Variants in DTNB observed in about 807,000 individuals in gnomAD.
DTNB encodes DTN-B.
Under a neutral mutation model 90.7 loss-of-function variants are expected in DTNB, and 63 were observed. The observed-to-expected ratio is 0.69, with a 90% CI of 0.57 to 0.86. The LOEUF (loss-of-function observed/expected upper bound fraction) is 0.86, where lower values mean the gene tolerates loss of function less well. DTNB is among the 40% of genes least tolerant of loss of function. The probability of loss-of-function intolerance (pLI) is 0.00; values close to 1 mark genes in which losing one functional copy is unlikely to be tolerated. For synonymous variants in DTNB, 277 were observed against 286.7 expected, an observed-to-expected ratio of 0.97 and a Z score of 0.34; for missense variants, 744 against 807.1, an observed-to-expected ratio of 0.92 and a Z score of 0.95.
At chr2:25,506,469 G>A (rs1353489448) in intron 9 of DTNB, among the ~76,000 whole-genome samples, 1 of 151,884 alleles carries the variant, frequency 6.6e-6, no homozygotes, top group Admixed American at 6.6e-5. Context: ...CATCACCCAG[G>A]TATTAAGCTT....
chr2:25,659,923 A>G (rs1458479218), intron 1 of DTNB, among the ~76,000 whole-genome samples: 2 of 152,350 alleles, frequency 1.3e-5, no homozygotes, highest in East Asian at 3.9e-4. Context: ...ACCAATGTTC[A>G]TGAACATTGT....
intron 8 of DTNB, among the ~76,000 whole-genome samples, chr2:25,552,612 G>A (rs1379311345): frequency 6.6e-6 from 1 of 152,072 alleles, no homozygotes; most frequent in Non-Finnish European, 1.5e-5. Flanking sequence ...TTTGCAAACA[G>A]ATCTCATCTA....
At chr2:25,662,075 G>A (rs989129576) in intron 1 of DTNB, among the ~76,000 whole-genome samples, 14 of 151,868 alleles carry the variant, frequency 9.2e-5, no homozygotes, top group African/African-American at 3.4e-4. Context: ...AGAACTGCTT[G>A]AACCCAGGAG....
At chr2:25,531,373 T>C (rs2078141436) in intron 9 of DTNB, 100 bp downstream of exon 9, 1 of 1,488,918 alleles carries the variant, frequency 6.7e-7, no homozygotes, top group Non-Finnish European at 8.9e-7. Flanking sequence ...ACCTGAGAAG[T>C]TGAATGGTCA....
chr2:25,555,311 A>G (rs1398005645), intron 8 of DTNB, among the ~76,000 whole-genome samples: 2 of 142,228 alleles, frequency 1.4e-5, no homozygotes, highest in African/African-American at 5.9e-5. Flanking sequence ...AAAAAAAAAC[A>G]AAAAGGTCTG....
At chr2:25,462,954 C>T (rs566617488) in intron 10 of DTNB, among the ~76,000 whole-genome samples, 2 of 152,190 alleles carry the variant, frequency 1.3e-5, no homozygotes, top group Admixed American at 6.5e-5. Flanking sequence ...CCACCCGCCT[C>T]GGCCTCCCAA....
intron 9 of DTNB, 138 bp from the exon 10 acceptor site, chr2:25,483,011 A>G (rs928340749): frequency 1.3e-6 from 1 of 790,314 alleles, no homozygotes; most frequent in Non-Finnish European, 1.8e-6. Flanking sequence ...GAGGGGGGGG[A>G]CCCATGGGGA....
At chr2:25,427,070 C>T (rs978034973) in intron 15 of DTNB, among the ~76,000 whole-genome samples, 6 of 151,864 alleles carry the variant, frequency 4.0e-5, no homozygotes, top group African/African-American at 9.7e-5. Flanking sequence ...CCCAGCTACT[C>T]GGGAGGCTGA....
chr2:25,517,621 G>A (rs996323381), intron 9 of DTNB, among the ~76,000 whole-genome samples: 9 of 152,090 alleles, frequency 5.9e-5, no homozygotes, highest in Admixed American at 4.6e-4. Flanking sequence ...ACAATATGAG[G>A]GTTCCTCGAA....
At chr2:25,610,199 C>T (rs1367022863) in intron 4 of DTNB, among the ~76,000 whole-genome samples, 3 of 152,186 alleles carry the variant, frequency 2.0e-5, no homozygotes, top group Non-Finnish European at 4.4e-5. Flanking sequence ...CAGCCTCAAC[C>T]TCCTGGGCTC....
chr2:25,624,028 G>C (rs1033415890), intron 4 of DTNB, among the ~76,000 whole-genome samples: 1 of 152,110 alleles, frequency 6.6e-6, no homozygotes. Flanking sequence ...CCTTAAGTCT[G>C]AGAAGAAACA....
chr2:25,388,245 C>A lies in DTNB; in HGVS notation c.1692G>T (p.Ser564=), dbSNP rs371653178. ...GSTPTHCPQD[S]LSGVGGDVQE... ...GCACGTCTCCCCCGACTCCGCTCAGCGAGTCCTGCGGACAGTGGGTGGGGG... is the reference window on the plus strand; with the variant it reads ...GCACGTCTCCCCCGACTCCGCTCAGAGAGTCCTGCGGACAGTGGGTGGGGG... Residue 564 remains serine, a synonymous_variant, in exon 17 of 21, where the codon TCG becomes TCT. Coordinates refer to ENST00000406818, the MANE Select transcript of DTNB (RefSeq NM_021907.5). 5 of 1,604,174 alleles carry A rather than the reference C, an allele frequency of 3.1e-6. No homozygotes were observed. The South Asian group carries it at 5.6e-5, about 18-fold the overall frequency.
At chr2:25,546,470 CCT>C (rs1427609240) in intron 8 of DTNB, among the ~76,000 whole-genome samples, 18 of 152,102 alleles carry the variant, frequency 1.2e-4, no homozygotes, top group Non-Finnish European at 2.2e-4. Context: ...TTTTCTAGCC[CCT>C]CTTTGTTTTA....
chr2:25,653,511 CTTTCTTT>C lies in DTNB; in HGVS notation c.-1-857_-1-851del, dbSNP rs1206006155. On this transcript the variant is annotated intron_variant, in intron 1 of 20. Transcript: ENST00000406818. ...TCTTTCTTTCTTTCTTTCTTTCTTT[CTTTCTTT>C]TTTTTTTTTTTTTTTGACAGTCTCA... 1.3e-4 allele frequency among the ~76,000 whole-genome samples: 11 copies of C among 82,812 alleles called. No homozygotes were observed. In the East Asian group the frequency reaches 4.8e-3, roughly 36 times the overall value. The allele number at this position is 82,812 out of a possible 152,430, so 54.3% of individuals were successfully genotyped here.
In DTNB at chr2:25,580,771, T is replaced by C. The variant is rs779554830; in HGVS notation, c.659A>G (p.Gln220Arg). Residue 220 changes from glutamine to arginine, a missense_variant, in exon 7 of 21, where the codon CAG becomes CGG. Transcript: ENST00000406818. The part of the protein sequence containing the change: ...LDTMMADPPP[Q>R]CLVWLPLMHR... ...CATGAGAGGTAGCCAGACAAGGCAC[T>C]GGGGAGGAGGGTCAGCCATCATTGT... The C allele has an allele frequency of 2.5e-6, 4 of 1,613,658 alleles. No individual in the cohort carries two copies. The highest frequency in any genetic ancestry group is 3.4e-6 in the Non-Finnish European group (4 of 1,179,642).
At chr2:25,479,037 C>T (rs1017739546) in intron 10 of DTNB, among the ~76,000 whole-genome samples, 1 of 152,142 alleles carries the variant, frequency 6.6e-6, no homozygotes, top group South Asian at 2.1e-4. Context: ...TTTGCCTTTG[C>T]TTTGTGGGTT....
chr2:25,466,333 TCAAA>T (rs1212499429), intron 10 of DTNB, among the ~76,000 whole-genome samples: 2 of 152,250 alleles, frequency 1.3e-5, no homozygotes, highest in South Asian at 2.1e-4. Context: ...AGACTATGTC[TCAAA>T]CAAACAAACA....
chr2:25,631,280 G>A (rs2075686082), intron 3 of DTNB, among the ~76,000 whole-genome samples: 1 of 152,144 alleles, frequency 6.6e-6, no homozygotes, highest in South Asian at 2.1e-4. Context: ...AATGATAAAA[G>A]TTTTAATTCA....
intron 4 of DTNB, among the ~76,000 whole-genome samples, chr2:25,616,326 ATAAT>A (rs145443186): frequency 0.076 from 11,595 of 152,186 alleles, 623 homozygotes; most frequent in Non-Finnish European, 0.12. Context: ...ATATATTATA[ATAAT>A]TAGCACTTGT....
Sources: allele counts gnomAD v4.1 joint callset (sites outside exome capture counted in the v4.1 genomes callset), GRCh38; gene constraint gnomAD v4.1.1; transcripts MANE v1.5; gene names NCBI Gene and HGNC (gene_info 2026-07-23, HGNC 2026-07-21).